Variants in GRIK1 observed in about 807,000 individuals in gnomAD.
GRIK1 encodes glutamate receptor ionotropic, kainate 1.
Under a neutral mutation model 105.7 loss-of-function variants are expected in GRIK1, and 69 were observed. That is an observed-to-expected ratio of 0.65 (90% CI 0.54 to 0.80). The LOEUF is 0.80. Ranked by LOEUF, GRIK1 falls within the 30% of genes least tolerant of loss-of-function variation. The pLI, the probability that GRIK1 is intolerant of heterozygous loss-of-function variation, is 0.00. For synonymous variants in GRIK1, 438 were observed against 431.3 expected (o/e 1.02, Z -0.19); for missense variants, 1,109 against 1,167.3 (o/e 0.95, Z 0.73).
intron 16 of GRIK1, among the ~76,000 whole-genome samples, chr21:29,549,566 A>T (rs2090096654): frequency 6.6e-6 from 1 of 152,198 alleles, no homozygotes; most frequent in South Asian, 2.1e-4. Context: ...CTGAGGAGAA[A>T]GGTCGAGAGG....
chr21:29,553,524 G>T, intron 16 of GRIK1: 2 of 1,507,210 alleles, frequency 1.3e-6, no homozygotes, highest in Non-Finnish European at 1.8e-6. Context: ...ATTTTCTACT[G>T]GGCACATCTT....
chr21:29,918,087 T>A (rs996619326), intron 1 of GRIK1, among the ~76,000 whole-genome samples: 1 of 152,018 alleles, frequency 6.6e-6, no homozygotes, highest in African/African-American at 2.4e-5. Context: ...AGTCACAAAC[T>A]TGATATGTGA....
intron 1 of GRIK1, among the ~76,000 whole-genome samples, chr21:29,845,724 A>T (rs1305870901): frequency 6.6e-6 from 1 of 150,972 alleles, no homozygotes; most frequent in Non-Finnish European, 1.5e-5. Flanking sequence ...TTTCCCTTTA[A>T]ATTTCCTGGC....
chr21:29,844,270 A>C (rs2068056860), intron 1 of GRIK1, among the ~76,000 whole-genome samples: 1 of 152,152 alleles, frequency 6.6e-6, no homozygotes, highest in Non-Finnish European at 1.5e-5. Context: ...ATATTCCTGC[A>C]GTTCTTAGAC....
chr21:29,758,375 C>T (rs1396288108), intron 1 of GRIK1, among the ~76,000 whole-genome samples: 1 of 152,196 alleles, frequency 6.6e-6, no homozygotes, highest in Non-Finnish European at 1.5e-5. Context: ...AGCAAAGTCA[C>T]GTCTTCCATG....
At chr21:29,600,930 A>C (rs2061506384) in intron 7 of GRIK1, among the ~76,000 whole-genome samples, 1 of 152,228 alleles carries the variant, frequency 6.6e-6, no homozygotes, top group South Asian at 2.1e-4. Context: ...CAGCACATAA[A>C]GTACATAATG....
chr21:29,817,647 A>G (rs1489066607), intron 1 of GRIK1, among the ~76,000 whole-genome samples: 2 of 152,054 alleles, frequency 1.3e-5, no homozygotes, highest in African/African-American at 4.8e-5. Flanking sequence ...GAGAATGGTT[A>G]CACATTCATA....
chr21:29,828,727 TG>T (rs747700253), intron 1 of GRIK1, among the ~76,000 whole-genome samples: 1 of 152,128 alleles, frequency 6.6e-6, no homozygotes, highest in Non-Finnish European at 1.5e-5. Flanking sequence ...CTCAAACCTC[TG>T]GCTTCAAGCA....
intron 1 of GRIK1, among the ~76,000 whole-genome samples, chr21:29,710,516 C>T (rs1231843670): frequency 1.3e-5 from 2 of 152,070 alleles, no homozygotes; most frequent in Non-Finnish European, 2.9e-5. Context: ...AAATGAAAAA[C>T]ATTTTTCCTT....
intron 1 of GRIK1, among the ~76,000 whole-genome samples, chr21:29,720,087 T>C (rs1327162087): frequency 1.3e-5 from 2 of 152,216 alleles, no homozygotes; most frequent in Admixed American, 6.5e-5. Flanking sequence ...CTGATCATGC[T>C]TTTACATGAT....
intron 1 of GRIK1, among the ~76,000 whole-genome samples, chr21:29,847,237 C>A (rs987880116): frequency 6.6e-6 from 1 of 152,250 alleles, no homozygotes; most frequent in South Asian, 2.1e-4. Flanking sequence ...TGCCTTCCTG[C>A]CTCTCTCCTG....
intron 1 of GRIK1, among the ~76,000 whole-genome samples, chr21:29,758,484 C>T (rs1172019895): frequency 6.6e-6 from 1 of 152,068 alleles, no homozygotes; most frequent in Non-Finnish European, 1.5e-5. Flanking sequence ...AAAGACCTGC[C>T]CCCAAAATTC....
At chr21:29,690,738 A>G (rs1199482629) in intron 2 of GRIK1, among the ~76,000 whole-genome samples, 1 of 151,524 alleles carries the variant, frequency 6.6e-6, no homozygotes, top group African/African-American at 2.4e-5. Context: ...TAGTTGTAAC[A>G]TAAATGTATT....
At chr21:29,809,498 T>C (rs1483136260) in intron 1 of GRIK1, among the ~76,000 whole-genome samples, 3 of 152,238 alleles carry the variant, frequency 2.0e-5, no homozygotes, top group Non-Finnish European at 4.4e-5. Flanking sequence ...TCGTTATTGA[T>C]GACCTTGCTG....
intron 1 of GRIK1, among the ~76,000 whole-genome samples, chr21:29,721,313 A>G (rs968881148): frequency 2.5e-4 from 38 of 152,184 alleles, no homozygotes; most frequent in African/African-American, 8.9e-4. Flanking sequence ...ACAGACATTT[A>G]TTAGATAACC....
At chr21:29,616,367 T>G (rs1822949182) in intron 7 of GRIK1, among the ~76,000 whole-genome samples, 1 of 152,226 alleles carries the variant, frequency 6.6e-6, no homozygotes, top group African/African-American at 2.4e-5. Flanking sequence ...CCTTTATCAT[T>G]CTTTGACAGG....
At chr21:29,826,855 T>C (rs1569135873) in intron 1 of GRIK1, among the ~76,000 whole-genome samples, 2 of 152,056 alleles carry the variant, frequency 1.3e-5, no homozygotes, top group African/African-American at 4.8e-5. Flanking sequence ...TAGACAATAT[T>C]TTCAAAGTAT....
intron 1 of GRIK1, among the ~76,000 whole-genome samples, chr21:29,767,113 C>A (rs9983673): frequency 0.023 from 3,524 of 152,012 alleles, 138 homozygotes; most frequent in African/African-American, 0.079. Context: ...ATACTTCATC[C>A]GAAGGAGGGG....
intron 1 of GRIK1, among the ~76,000 whole-genome samples, chr21:29,754,109 A>T (rs2065275001): frequency 6.6e-6 from 1 of 152,136 alleles, no homozygotes; most frequent in African/African-American, 2.4e-5. Context: ...TGTGTAAATT[A>T]CTCTGCATAG....
Sources: allele counts gnomAD v4.1 joint callset (sites outside exome capture counted in the v4.1 genomes callset), GRCh38; gene constraint gnomAD v4.1.1; transcripts MANE v1.5; gene names NCBI Gene and HGNC (gene_info 2026-07-23, HGNC 2026-07-21).